Variants in CYP4B1 observed in about 807,000 individuals in gnomAD.
CYP4B1 encodes the protein cytochrome P450 4B1.
A neutral mutation model predicts 54.0 loss-of-function variants in CYP4B1; 45 were observed. The observed-to-expected ratio is 0.83, with a 90% CI of 0.66 to 1.07. CYP4B1 has a LOEUF of 1.07. Among genes scored for constraint, CYP4B1 ranks in the 50% least tolerant of loss-of-function variants. The pLI, the probability that CYP4B1 is intolerant of heterozygous loss-of-function variation, is 0.00. For missense variants in CYP4B1, 656 were observed against 655.4 expected (o/e 1.00, Z -0.01); for synonymous variants, 248 against 247.5 (o/e 1.00, Z -0.02).
At position 46,819,291 on chromosome 1, in the gene CYP4B1, C is replaced by T. The variant is rs908193836; in HGVS notation, c.*477C>T. 1 of 153,958 alleles carries T rather than the reference C, an allele frequency of 6.5e-6. No individual in the cohort carries two copies. The highest frequency in any genetic ancestry group is 2.4e-5 in the African/African-American group (1 of 41,434). 9.5% of individuals were successfully genotyped at this position (153,958 alleles called of 1,614,324 possible). A position where few individuals can be genotyped will look rare whatever the true frequency, so the allele number is the denominator to read the frequency against. ...GTGTGTGTGTTTAGAATATAACAGA[C>T]ATAAGAAAAAATTACCTAAATGAAG... is the stretch of plus-strand genomic sequence containing the variant. On this transcript the variant is annotated 3_prime_UTR_variant, in exon 12 of 12. Transcript: ENST00000371923.
Position 46,801,664 on chromosome 1 carries a change from T to C in CYP4B1, c.180+2403T>C, listed in dbSNP as rs547912381. 5.9e-5 allele frequency among the ~76,000 whole-genome samples: 9 copies of C among 152,314 alleles called. No homozygotes were observed. In the South Asian group the frequency reaches 1.7e-3, roughly 28 times the overall value. ...CTTGGCACCTCTGTTCTTGCCTGGA[T>C]TCATACCTGAACTTGAGAAATGGGT... On this transcript the variant is annotated intron_variant, in intron 1 of 11. Coordinates refer to ENST00000371923, the MANE Select transcript of CYP4B1 (RefSeq NM_001099772.2).
intron 1 of CYP4B1, among the ~76,000 whole-genome samples, chr1:46,801,688 G>A (rs750240545): frequency 6.6e-6 from 1 of 152,202 alleles, no homozygotes; most frequent in African/African-American, 2.4e-5. Flanking sequence ...TGAGAAATGG[G>A]TTGGGCAGAG....
At position 46,812,514 on chromosome 1, in the gene CYP4B1, T is replaced by C. The variant is rs944766010; in HGVS notation, c.386T>C (p.Leu129Pro). The C allele has an allele frequency of 1.2e-6, 2 of 1,613,686 alleles. No individual in the cohort carries two copies. The highest frequency in any genetic ancestry group is 2.2e-5 in the East Asian group (1 of 44,856). The change falls in exon 4 of 12, where the codon CTT becomes CCT. Residue 129 changes from leucine (L) to proline (P), a missense_variant. Transcript: ENST00000371923. ...TCCCCAGGGAGAGGCCTGCTGGTTC[T>C]TGAGGGGCCCAAGTGGTTGCAGCAC... ...LQWIGRGLLV[L>P]EGPKWLQHRK... is the part of the protein sequence containing the mutation.
At position 46,800,298 on chromosome 1, in the gene CYP4B1, C is replaced by CTTCCTTCCTCCCTTCTTTCT. The variant is rs1553130205; in HGVS notation, c.180+1040_180+1041insCTTCCTCCCTTCTTTCTTTC. On this transcript the variant is annotated intron_variant, in intron 1 of 11. Coordinates refer to ENST00000371923, the MANE Select transcript of CYP4B1 (RefSeq NM_001099772.2). ...CCTTCCTTCCTTCCTTCCTTCCTTC[C>CTTCCTTCCTCCCTTCTTTCT]TTCTTTCCTTCCTTCTCTTTCTCTC... Among the ~76,000 whole-genome samples the CTTCCTTCCTCCCTTCTTTCT allele has an allele frequency of 5.0e-4, 44 of 87,972 alleles. 4 individuals carry two copies. The highest frequency in any genetic ancestry group is 4.0e-3 in the East Asian group (10 of 2,486). 57.7% of individuals were successfully genotyped at this position (87,972 alleles called of 152,430 possible).
chr1:46,806,707 G>C (rs900660570), intron 1 of CYP4B1: 1 of 152,250 alleles, frequency 6.6e-6, no homozygotes, highest in African/African-American at 2.4e-5. Flanking sequence ...TTTATTTCTG[G>C]TGAGGTCAAC....
chr1:46,805,928 A>G (rs4646482), intron 1 of CYP4B1, among the ~76,000 whole-genome samples: 38,545 of 152,072 alleles, frequency 0.25, 5,312 homozygotes, highest in African/African-American at 0.37. Context: ...GTCCATCCTG[A>G]AGGAGAGCAG....
chr1:46,818,007 G>A lies in CYP4B1; in HGVS notation c.1250G>A (p.Ser417Asn). 6.2e-7 allele frequency: 1 copy of A among 1,614,226 alleles called. No individual in the cohort carries two copies. The highest frequency in any genetic ancestry group is 8.5e-7 in the Non-Finnish European group (1 of 1,180,026). The change falls in exon 10 of 12, where the codon AGT becomes AAT. Residue 417 changes from serine (S) to asparagine (N), a missense_variant. Ser to Asn is a conservative substitution (Grantham distance 46, BLOSUM62 1). Coordinates refer to ENST00000371923, the MANE Select transcript of CYP4B1 (RefSeq NM_001099772.2). ...CATATCTATGCCCTCCATAGGAACA[G>A]TGCTGTATGGCCCGACCCTGAGGTA... ...SMHIYALHRN[S>N]AVWPDPEVFD... is the part of the protein sequence containing the mutation.
chr1:46,813,881 C>T (rs1303255027), intron 5 of CYP4B1, 28 bp from the exon 6 acceptor site: 2 of 1,608,092 alleles, frequency 1.2e-6, no homozygotes, highest in African/African-American at 2.8e-5. Context: ...AGTGTCTAAG[C>T]CAATCCCTCC....
In CYP4B1 at chr1:46,818,803, T is replaced by C; in HGVS notation, c.1528T>C (p.Ser510Pro). 6.2e-7 allele frequency: 1 copy of C among 1,613,966 alleles called. No homozygotes were observed. The highest frequency in any genetic ancestry group is 1.3e-5 in the African/African-American group (1 of 74,994). ...CCACCTGAAGCCACTGGGCCCTGGG[T>C]CTGGGAAGTAGCTCTGATGAGAATG... ...HLHLKPLGPG[S>P]GK is the part of the protein sequence containing the mutation. Residue 510 changes from serine to proline, a missense_variant, in exon 12 of 12, where the codon TCT (serine) becomes CCT (proline). Ser to Pro is a moderately conservative substitution (Grantham distance 74, BLOSUM62 -1). Coordinates refer to ENST00000371923, the MANE Select transcript of CYP4B1 (RefSeq NM_001099772.2).
chr1:46,817,933 T>G (rs767256630), intron 9 of CYP4B1, 32 bp from the exon 10 acceptor site: 1 of 1,610,434 alleles, frequency 6.2e-7, no homozygotes, highest in South Asian at 1.1e-5. Flanking sequence ...TACCCAGGAC[T>G]ACCTGGTCAC....
At chr1:46,805,517 T>A (rs1459379625) in intron 1 of CYP4B1, among the ~76,000 whole-genome samples, 1 of 152,208 alleles carries the variant, frequency 6.6e-6, no homozygotes, top group African/African-American at 2.4e-5. Flanking sequence ...CACATGTACA[T>A]GTGTAATGGT....
At chr1:46,800,207 CTT>C (rs369798181) in intron 1 of CYP4B1, among the ~76,000 whole-genome samples, 2,456 of 32,308 alleles carry the variant, frequency 0.076, no homozygotes, top group East Asian at 0.26. Context: ...CTCTTTCTTT[CTT>C]TCTTTCTCTT....
At chr1:46,809,119 T>TA (rs543714344) in intron 1 of CYP4B1, among the ~76,000 whole-genome samples, 15 of 143,444 alleles carry the variant, frequency 1.0e-4, no homozygotes, top group South Asian at 4.4e-4. Context: ...TAAAGTATAA[T>TA]AAAAAAAACC....
Sources: allele counts gnomAD v4.1 joint callset (sites outside exome capture counted in the v4.1 genomes callset), GRCh38; gene constraint gnomAD v4.1.1; transcripts MANE v1.5; gene names NCBI Gene and HGNC (gene_info 2026-07-23, HGNC 2026-07-21).